The following BCL11A variants were observed in gnomAD, a reference collection of about 807,000 sequenced individuals.
BCL11A encodes the protein BCL11 transcription factor A, also known as B cell CLL/lymphoma 11A.
In BCL11A, 2 loss-of-function variants were observed where a neutral mutation model predicts 55.9. That is an observed-to-expected ratio of 0.04 (90% CI 0.01 to 0.11). The LOEUF is 0.11. Among genes scored for constraint, BCL11A ranks in the 10% least tolerant of loss-of-function variants. The pLI, the probability that BCL11A is intolerant of heterozygous loss-of-function variation, is 1.00. For synonymous variants in BCL11A, 465 were observed against 473.4 expected (o/e 0.98, Z 0.23); for missense variants, 817 against 1,137.1 (o/e 0.72, Z 4.05).
At chr2:60,550,749 C>G in intron 1 of BCL11A, 1 of 398,462 alleles carries the variant, frequency 2.5e-6, no homozygotes, top group East Asian at 3.6e-5. Context: ...GAGAGGGGTA[C>G]GAGGGAGCAG....
intron 2 of BCL11A, among the ~76,000 whole-genome samples, chr2:60,496,118 C>T (rs1332157259): frequency 6.6e-6 from 1 of 152,214 alleles, no homozygotes; most frequent in African/African-American, 2.4e-5. Context: ...AGCAATGCAC[C>T]TGTGCAGGAA....
chr2:60,530,192 G>A (rs1305328637), intron 2 of BCL11A, among the ~76,000 whole-genome samples: 4 of 152,108 alleles, frequency 2.6e-5, no homozygotes, highest in Non-Finnish European at 5.9e-5. Context: ...GCCCAGGAAA[G>A]GCTGCGCCTC....
In BCL11A at chr2:60,521,352, G is replaced by A. The variant is rs115917401; in HGVS notation, c.385+24619C>T. ...AGAGCGGACATTTTGTAAAACCAGA[G>A]GGACCCGGGCCTGGGCCTGGGCCTG... On this transcript the variant is annotated intron_variant, in intron 2 of 3. Coordinates refer to ENST00000642384, the MANE Select transcript of BCL11A (RefSeq NM_022893.4). Among the ~76,000 whole-genome samples the A allele has an allele frequency of 9.7e-3, 1,480 of 152,338 alleles. 17 individuals carry two copies. Among genetic ancestry groups the A allele is most frequent in the African/African-American group, 0.033 (1,369 of 41,576 alleles).
chr2:60,507,232 A>AAGGG (rs1558652604), intron 2 of BCL11A, among the ~76,000 whole-genome samples: 1 of 52,988 alleles, frequency 1.9e-5, no homozygotes, highest in Non-Finnish European at 3.4e-5. Flanking sequence ...GGAAGGAAGG[A>AAGGG]AGGGAGGGAG....
chr2:60,478,827 G>T (rs1013178113), intron 2 of BCL11A, among the ~76,000 whole-genome samples: 2 of 152,258 alleles, frequency 1.3e-5, no homozygotes, highest in Non-Finnish European at 2.9e-5. Flanking sequence ...TCTGCCCGGG[G>T]CATGCTGCAG....
rs1675986474 is a variant in BCL11A, at chr2:60,457,343, G to T, written c.*3061C>A. ...AACAAATACAATAAAAAGCCAGGTT[G>T]TAATGACCTTTGGTCATCTAAATAA... On this transcript the variant is annotated 3_prime_UTR_variant, in exon 4 of 4. Transcript: ENST00000642384. 12 of 1,019,176 alleles carry T rather than the reference G, an allele frequency of 1.2e-5. No individual in the cohort carries two copies. The highest frequency in any genetic ancestry group is 1.4e-5 in the Non-Finnish European group (12 of 848,364). 63.1% of individuals were successfully genotyped at this position (1,019,176 alleles called of 1,614,324 possible).
downstream of BCL11A, among the ~76,000 whole-genome samples, chr2:60,455,265 A>C (rs965227694): frequency 6.6e-6 from 1 of 152,194 alleles, no homozygotes; most frequent in African/African-American, 2.4e-5. Context: ...ATTTTAAGAG[A>C]CATTAATGTT....
chr2:60,463,771 G>A (rs1417369842), intron 3 of BCL11A, among the ~76,000 whole-genome samples: 1 of 151,776 alleles, frequency 6.6e-6, no homozygotes, highest in African/African-American at 2.4e-5. Context: ...CAAAGGACGA[G>A]GATGAGAAAA....
chr2:60,543,503 A>C (rs745522587), intron 2 of BCL11A: 1 of 152,134 alleles, frequency 6.6e-6, no homozygotes, highest in Non-Finnish European at 1.5e-5. Context: ...CTGGGGGTAC[A>C]CACACAGCCG....
chr2:60,532,327 G>A (rs1357703413), intron 2 of BCL11A, among the ~76,000 whole-genome samples: 1 of 148,214 alleles, frequency 6.7e-6, no homozygotes, highest in Non-Finnish European at 1.5e-5. Context: ...TTGGTTTTTG[G>A]GTTTTTTTTT....
At position 60,461,343 on chromosome 2, in the gene BCL11A, G is replaced by C; in HGVS notation, c.1569C>G (p.Arg523=). The C allele has an allele frequency of 6.3e-7, 1 of 1,591,030 alleles. No individual in the cohort carries two copies. The highest frequency in any genetic ancestry group is 8.5e-7 in the Non-Finnish European group (1 of 1,173,942). ...CGCCCCGCGAGCTGTTCTCGTGGTG[G>C]CGCGCCGCCTCCAGGCTCAGCCCGA... ...YGFGLSLEAA[R]HHENSSRGAV... The change falls in exon 4 of 4, where the codon CGC becomes CGG. Residue 523 remains arginine (R), a synonymous_variant. Coordinates refer to ENST00000642384, the MANE Select transcript of BCL11A (RefSeq NM_022893.4).
intron 1 of BCL11A, chr2:60,550,792 C>T (rs1396384007): frequency 2.0e-5 from 8 of 398,952 alleles, no homozygotes; most frequent in Non-Finnish European, 3.5e-5. Flanking sequence ...GTCCTTTGAG[C>T]CCCCACTGCA....
At chr2:60,471,822 T>G (rs1677217326) in intron 2 of BCL11A, among the ~76,000 whole-genome samples, 1 of 151,692 alleles carries the variant, frequency 6.6e-6, no homozygotes, top group Admixed American at 6.6e-5. Flanking sequence ...CACCTGGGAG[T>G]TTGTTCAAAA....
At chr2:60,511,815 C>T (rs1680005200) in intron 2 of BCL11A, among the ~76,000 whole-genome samples, 1 of 152,204 alleles carries the variant, frequency 6.6e-6, no homozygotes, top group Admixed American at 6.5e-5. Flanking sequence ...CTTCTCCAAG[C>T]TTTCAACACT....
rs376602937 is a variant in BCL11A, at chr2:60,507,232, A to G, written c.386-38399T>C. Among the ~76,000 whole-genome samples the G allele has an allele frequency of 1.5e-3, 81 of 52,978 alleles. 1 individual carries two copies. The highest frequency in any genetic ancestry group is 5.0e-3 in the East Asian group (10 of 1,982). 34.8% of individuals were successfully genotyped at this position (52,978 alleles called of 152,430 possible). ...AAAGGAAGGAAGGAAGGAAGGAAGG[A>G]AGGGAGGGAGGGAGGGGAGGGGAGG... On this transcript the variant is annotated intron_variant, in intron 2 of 3. Coordinates refer to ENST00000642384, the MANE Select transcript of BCL11A (RefSeq NM_022893.4).
intron 3 of BCL11A, among the ~76,000 whole-genome samples, chr2:60,464,963 AG>A (rs1676514297): frequency 6.6e-6 from 1 of 152,224 alleles, no homozygotes; most frequent in Admixed American, 6.5e-5. Context: ...TAGATATTCT[AG>A]ATCATGAGGG....
chr2:60,528,994 C>T (rs1669329892), intron 2 of BCL11A, among the ~76,000 whole-genome samples: 1 of 152,256 alleles, frequency 6.6e-6, no homozygotes, highest in South Asian at 2.1e-4. Flanking sequence ...AAATCTGAAC[C>T]CAGAGTAACT....
chr2:60,469,315 G>A (rs1176554889), intron 2 of BCL11A, among the ~76,000 whole-genome samples: 1 of 152,096 alleles, frequency 6.6e-6, no homozygotes, highest in Non-Finnish European at 1.5e-5. Flanking sequence ...GTTTTTTATG[G>A]GACAGAGTCC....
chr2:60,474,429 T>C (rs1191937443), intron 2 of BCL11A, among the ~76,000 whole-genome samples: 2 of 152,210 alleles, frequency 1.3e-5, no homozygotes, highest in Non-Finnish European at 2.9e-5. Flanking sequence ...AAAGGTTGAA[T>C]AGGATGGTAC....
Sources: gnomAD v4.1 joint callset for allele counts (sites outside exome capture counted in the v4.1 genomes callset) on GRCh38, gnomAD v4.1.1 for gene constraint, MANE v1.5 for transcripts, NCBI Gene and HGNC (gene_info 2026-07-23, HGNC 2026-07-21) for gene names.